Variants in AACS observed in about 807,000 individuals in gnomAD.
AACS encodes acetoacetyl-CoA synthetase, also known as acetoacetate-CoA ligase.
Under a neutral mutation model 83.1 loss-of-function variants are expected in AACS, and 69 were observed. The observed-to-expected ratio is 0.83, with a 90% CI of 0.68 to 1.01. The LOEUF is 1.01. AACS is among the 50% of genes least tolerant of loss of function. The pLI, the probability that AACS is intolerant of heterozygous loss-of-function variation, is 0.00. For synonymous variants in AACS, 333 were observed against 343.4 expected (o/e 0.97, Z 0.33); for missense variants, 866 against 882.2 (o/e 0.98, Z 0.23).
intron 17 of AACS, chr12:125,139,005 C>T (rs924808730): frequency 1.3e-5 from 2 of 152,196 alleles, no homozygotes; most frequent in African/African-American, 4.8e-5. Context: ...AGGTCTGACC[C>T]TTCACATGTT....
chr12:125,126,868 C>CTAGG (rs1957252431), intron 12 of AACS: 1 of 152,014 alleles, frequency 6.6e-6, no homozygotes. Flanking sequence ...CAGGCATGAG[C>CTAGG]CACCGTGCCT....
intron 10 of AACS, 171 bp from the exon 11 acceptor site, chr12:125,124,534 A>T (rs1957212716): frequency 1.5e-6 from 1 of 673,694 alleles, no homozygotes; most frequent in Non-Finnish European, 2.5e-6. Flanking sequence ...CCTGTGAGGA[A>T]GTCAGGTGCC....
intron 10 of AACS, chr12:125,120,167 A>T (rs1250950451): frequency 6.6e-6 from 1 of 152,092 alleles, no homozygotes; most frequent in East Asian, 1.9e-4. Flanking sequence ...ACTCCTTCTC[A>T]TCATCATCAT....
chr12:125,067,093 G>A (rs748557836), intron 1 of AACS, among the ~76,000 whole-genome samples: 1 of 152,196 alleles, frequency 6.6e-6, no homozygotes, highest in Non-Finnish European at 1.5e-5. Context: ...GAAGTTCTCA[G>A]TGGTTCCTTG....
In AACS at chr12:125,077,359, T is replaced by A. The variant is rs374618116; in HGVS notation, c.358+748T>A. Among the ~76,000 whole-genome samples, 94 of 151,778 alleles carry A rather than the reference T, an allele frequency of 6.2e-4. No homozygotes were observed. The South Asian group carries it at 0.018, about 30-fold the overall frequency. On this transcript the variant is annotated intron_variant, in intron 3 of 17. Coordinates refer to ENST00000316519, the MANE Select transcript of AACS (RefSeq NM_023928.5). ...CCCCGTCTCTACTGAAAATACAAAATATTAGCCAGGCGTGGTGGCGGGCGC... is the reference window on the plus strand; with the variant it reads ...CCCCGTCTCTACTGAAAATACAAAAAATTAGCCAGGCGTGGTGGCGGGCGC...
At chr12:125,092,274 G>T (rs1482907893) in intron 5 of AACS, among the ~76,000 whole-genome samples, 1 of 152,230 alleles carries the variant, frequency 6.6e-6, no homozygotes, top group Non-Finnish European at 1.5e-5. Flanking sequence ...GCTCCTCCTG[G>T]TGCCAGCTGC....
chr12:125,104,504 G>T (rs1484851018), intron 7 of AACS, among the ~76,000 whole-genome samples: 1 of 152,206 alleles, frequency 6.6e-6, no homozygotes, highest in Non-Finnish European at 1.5e-5. Flanking sequence ...ACTAGGAGTG[G>T]GAGGGACAGG....
chr12:125,089,923 A>G (rs1956426524), intron 4 of AACS, among the ~76,000 whole-genome samples: 1 of 35,006 alleles, frequency 2.9e-5, no homozygotes, highest in South Asian at 9.3e-4. Context: ...CTATCCATCC[A>G]TTTATCTATC....
chr12:125,070,367 G>C (rs541433683), intron 1 of AACS, among the ~76,000 whole-genome samples: 127 of 152,248 alleles, frequency 8.3e-4, no homozygotes, highest in Non-Finnish European at 1.5e-3. Flanking sequence ...TTAGAAGGGC[G>C]GATAGCCTGT....
chr12:125,102,493 G>T (rs969783507), intron 5 of AACS, 186 bp from the exon 6 acceptor site: 12 of 579,032 alleles, frequency 2.1e-5, no homozygotes, highest in African/African-American at 1.7e-4. Context: ...TAGAGACAGG[G>T]TCTCACTCGT....
At chr12:125,125,100 T>A in intron 12 of AACS, 76 bp downstream of exon 12, 1 of 1,592,700 alleles carries the variant, frequency 6.3e-7, no homozygotes, top group South Asian at 1.1e-5. Flanking sequence ...GCCCAGTGCT[T>A]GGATTCATCC....
In AACS at chr12:125,086,409, G is replaced by A. The variant is rs1026490714; in HGVS notation, c.438G>A (p.Arg146=). 1 of 1,614,100 alleles carries A rather than the reference G, an allele frequency of 6.2e-7. No individual in the cohort carries two copies. Among genetic ancestry groups the A allele is most frequent in the African/African-American group, 1.3e-5 (1 of 74,936 alleles). ...TGGCTTTGTTTGCAGCAGCAATGAG[G>A]AAAATGGGTGTGAAGAAAGGAGATC... ...QEVALFAAAM[R]KMGVKKGDRV... is the part of the protein sequence containing the mutation. Residue 146 remains arginine, a synonymous_variant, in exon 4 of 18, where the codon AGG becomes AGA. Coordinates refer to ENST00000316519, the MANE Select transcript of AACS (RefSeq NM_023928.5).
Position 125,131,429 on chromosome 12 carries a change from C to T in AACS, c.1549+1969C>T, listed in dbSNP as rs184334965. Among the ~76,000 whole-genome samples the T allele has an allele frequency of 3.0e-3, 464 of 152,176 alleles. 1 individual carries two copies. The highest frequency in any genetic ancestry group is 0.01 in the African/African-American group (424 of 41,532). ...GTCCCTCTATGTTGACCAGGCTGGTCTCGAACTCTTGAGCTCAAGCAATCC... is the reference window on the plus strand; with the variant it reads ...GTCCCTCTATGTTGACCAGGCTGGTTTCGAACTCTTGAGCTCAAGCAATCC... On this transcript the variant is annotated intron_variant, in intron 14 of 17. Coordinates refer to ENST00000316519, the MANE Select transcript of AACS (RefSeq NM_023928.5).
At chr12:125,114,689 T>G in intron 9 of AACS, 132 bp downstream of exon 9, 1 of 413,402 alleles carries the variant, frequency 2.4e-6, no homozygotes, top group Non-Finnish European at 3.9e-6. Flanking sequence ...CCCCAGGTGC[T>G]GGCCTGTGCT....
chr12:125,115,038 C>A (rs1017383813), intron 9 of AACS, among the ~76,000 whole-genome samples: 4 of 152,184 alleles, frequency 2.6e-5, no homozygotes, highest in Admixed American at 2.6e-4. Flanking sequence ...CGAGTTGGGC[C>A]CGCTCCTCCG....
In AACS at chr12:125,118,807, C is replaced by T. The variant is rs557492064; in HGVS notation, c.1121+42C>T. On this transcript the variant is annotated intron_variant, in intron 10 of 17. Coordinates refer to ENST00000316519, the MANE Select transcript of AACS (RefSeq NM_023928.5). The stretch of plus-strand genomic sequence containing the variant: ...TGTGCTCAAAGCAAGGGACAGGCAG[C>T]ACCAGGAAGGCTCCTTGGGATCAGA... 7 of 1,607,302 alleles carry T rather than the reference C, an allele frequency of 4.4e-6. 1 individual carries two copies. In the South Asian group the frequency reaches 6.6e-5, roughly 15 times the overall value.
At chr12:125,075,433 A>G (rs1955998238) in intron 2 of AACS, among the ~76,000 whole-genome samples, 1 of 150,994 alleles carries the variant, frequency 6.6e-6, no homozygotes, top group Non-Finnish European at 1.5e-5. Flanking sequence ...CTGGGATTAC[A>G]GGCGCCCGCC....
intron 5 of AACS, 107 bp downstream of exon 5, chr12:125,091,630 A>G: frequency 6.0e-6 from 7 of 1,159,690 alleles, no homozygotes; most frequent in Non-Finnish European, 8.9e-6. Flanking sequence ...GCGTGAGCCC[A>G]GCGGGAGGAG....
chr12:125,128,309 AG>A, intron 13 of AACS, 35 bp downstream of exon 13: 1 of 1,581,866 alleles, frequency 6.3e-7, no homozygotes, highest in Non-Finnish European at 8.6e-7. Flanking sequence ...TTCTGTGATT[AG>A]GCGTGAGTTG....
Sources: gnomAD v4.1 joint callset for allele counts (sites outside exome capture counted in the v4.1 genomes callset) on GRCh38, gnomAD v4.1.1 for gene constraint, MANE v1.5 for transcripts, NCBI Gene and HGNC (gene_info 2026-07-23, HGNC 2026-07-21) for gene names.